RIOK2: variants seen among roughly 807,000 people sequenced by gnomAD.
RIOK2 encodes serine/threonine-protein kinase RIO2.
A neutral mutation model predicts 62.4 loss-of-function variants in RIOK2; 46 were observed. That is an observed-to-expected ratio of 0.74 (90% confidence interval 0.58 to 0.94). RIOK2 has a LOEUF of 0.94. Among genes scored for constraint, RIOK2 ranks in the 40% least tolerant of loss-of-function variants. The probability of loss-of-function intolerance (pLI) is 0.00; values close to 1 mark genes in which losing one functional copy is unlikely to be tolerated. For synonymous variants in RIOK2, 197 were observed against 216.0 expected, an observed-to-expected ratio of 0.91 and a Z score of 0.77; for missense variants, 574 against 658.0, an observed-to-expected ratio of 0.87 and a Z score of 1.40.
chr5:97,174,607 T>C (rs1000500450), intron 4 of RIOK2, among the ~76,000 whole-genome samples: 1 of 151,988 alleles, frequency 6.6e-6, no homozygotes, highest in Non-Finnish European at 1.5e-5. Flanking sequence ...AGGACTCACA[T>C]AGATTCATGT....
chr5:97,180,779 T>A (rs1020574690), intron 1 of RIOK2, among the ~76,000 whole-genome samples: 3 of 151,948 alleles, frequency 2.0e-5, no homozygotes, highest in African/African-American at 7.3e-5. Flanking sequence ...GGAATAAAAA[T>A]CTTTAGGAAG....
Position 97,165,255 on chromosome 5 carries a change from A to C in RIOK2, c.1398-108T>G, listed in dbSNP as rs1199629859. On this transcript the variant is annotated intron_variant, in intron 8 of 9. Transcript: ENST00000283109. ...CATGCAGCAAAACTGAAGACATAAAATACTTCAGAAAGATCATTATATTTT... is the reference window on the plus strand; with the variant it reads ...CATGCAGCAAAACTGAAGACATAAACTACTTCAGAAAGATCATTATATTTT... 4 of 463,026 alleles carry C rather than the reference A, an allele frequency of 8.6e-6. No individual in the cohort carries two copies. The East Asian group carries it at 1.1e-4, about 12-fold the overall frequency. 28.7% of individuals were successfully genotyped at this position (463,026 alleles called of 1,614,324 possible). A position where few individuals can be genotyped will look rare whatever the true frequency, so the allele number is the denominator to read the frequency against.
At position 97,167,474 on chromosome 5, in the gene RIOK2, G is replaced by C. The variant is rs747786018; in HGVS notation, c.1390C>G (p.Pro464Ala). The change falls in exon 8 of 10, where the codon CCT becomes GCT. Residue 464 changes from proline (P) to alanine (A), a missense_variant. Pro to Ala is a conservative substitution (Grantham distance 27, BLOSUM62 -1). Transcript: ENST00000283109. Reference sequence around the variant, plus strand: ...ATCGACAGAAGTCTATACCTGAAAGGCCTGAATTCTCTATTTAATGACGAC... The same window carrying C: ...ATCGACAGAAGTCTATACCTGAAAGCCCTGAATTCTCTATTTAATGACGAC... ...ALSSLNREFRPFRDEENVGAM... is the reference protein window; with the variant it reads ...ALSSLNREFRAFRDEENVGAM... 1.2e-6 allele frequency: 2 copies of C among 1,613,920 alleles called. No homozygotes were observed. The highest frequency in any genetic ancestry group is 1.7e-6 in the Non-Finnish European group (2 of 1,179,940).
intron 4 of RIOK2, 192 bp downstream of exon 4, chr5:97,176,924 C>T (rs2112841481): frequency 3.8e-6 from 2 of 532,388 alleles, no homozygotes; most frequent in Non-Finnish European, 3.3e-6. Context: ...TTTAAAATAC[C>T]TTAACGTAGA....
chr5:97,166,277 G>A (rs773018474), intron 8 of RIOK2: 3 of 454,622 alleles, frequency 6.6e-6, no homozygotes, highest in East Asian at 7.0e-5. Context: ...TCAAAATCCT[G>A]AGCCTCTGTC....
intron 4 of RIOK2, 125 bp from the exon 5 acceptor site, chr5:97,173,388 A>G (rs896517116): frequency 5.8e-6 from 4 of 687,182 alleles, no homozygotes; most frequent in South Asian, 3.6e-5. Flanking sequence ...ATTGTAGTTA[A>G]CACATGGTTA....
At chr5:97,180,144 A>ATATG (rs1554083625) in intron 1 of RIOK2, among the ~76,000 whole-genome samples, 9 of 57,548 alleles carry the variant, frequency 1.6e-4, no homozygotes, top group African/African-American at 4.1e-4. Context: ...ATATATATGT[A>ATATG]TATATATATA....
intron 1 of RIOK2, chr5:97,182,730 T>A: frequency 4.3e-6 from 1 of 234,172 alleles, no homozygotes; most frequent in East Asian, 1.0e-4. Flanking sequence ...TCAGAAAGAC[T>A]GCTATGCGAC....
intron 6 of RIOK2, among the ~76,000 whole-genome samples, chr5:97,169,707 A>G (rs79303493): frequency 6.6e-6 from 1 of 152,336 alleles, no homozygotes; most frequent in East Asian, 1.9e-4. Context: ...AACATTTTCT[A>G]AAGCATATAT....
chr5:97,165,201 C>T (rs1022438520), intron 8 of RIOK2, 54 bp from the exon 9 acceptor site: 1 of 846,166 alleles, frequency 1.2e-6, no homozygotes, highest in Non-Finnish European at 1.7e-6. Context: ...TGTAATGAAT[C>T]CCATTTGATT....
chr5:97,174,688 C>CA (rs1246112387), intron 4 of RIOK2, among the ~76,000 whole-genome samples: 3 of 152,108 alleles, frequency 2.0e-5, no homozygotes, highest in Admixed American at 2.0e-4. Context: ...TTCATGGCTC[C>CA]ACTCAGCTCC....
At position 97,162,413 on chromosome 5, in the gene RIOK2, C is replaced by CCTAA. The variant is rs774510442; in HGVS notation, c.*644_*647dup. The CCTAA allele has an allele frequency of 1.3e-5, 2 of 152,366 alleles. No individual in the cohort carries two copies. Among genetic ancestry groups the CCTAA allele is most frequent in the Non-Finnish European group, 2.9e-5 (2 of 68,222 alleles). The allele number at this position is 152,366 out of a possible 1,614,324, so 9.4% of individuals were successfully genotyped here. A position where few individuals can be genotyped will look rare whatever the true frequency, so the allele number is the denominator to read the frequency against. On this transcript the variant is annotated 3_prime_UTR_variant, in exon 10 of 10. Transcript: ENST00000283109. ...TCATTCTACTCCACCTTCCCCAACC[C>CCTAA]CTAACTCTTCTGCTACTCAGGCCTG... is the stretch of plus-strand genomic sequence containing the variant.
At chr5:97,174,500 T>G (rs1434762392) in intron 4 of RIOK2, among the ~76,000 whole-genome samples, 2 of 152,182 alleles carry the variant, frequency 1.3e-5, no homozygotes, top group Non-Finnish European at 2.9e-5. Context: ...TCAAAACTCT[T>G]TAATCCACCT....
intron 4 of RIOK2, among the ~76,000 whole-genome samples, chr5:97,174,335 G>A (rs1050313206): frequency 1.3e-5 from 2 of 152,186 alleles, no homozygotes; most frequent in South Asian, 2.1e-4. Flanking sequence ...CAGGAGAATC[G>A]CGTGAACCCG....
rs189040343 is a variant in RIOK2, at chr5:97,162,940, T to G, written c.*121A>C. 4.9e-6 allele frequency: 4 copies of G among 819,654 alleles called. No homozygotes were observed. Among genetic ancestry groups the G allele is most frequent in the South Asian group, 2.0e-5 (1 of 50,294 alleles). 50.8% of individuals were successfully genotyped at this position (819,654 alleles called of 1,614,324 possible). ...CATACTGAATGACCAAATTTATAGA[T>G]GAAAGAGGGTTTATTTATTAATATA... On this transcript the variant is annotated 3_prime_UTR_variant, in exon 10 of 10. Transcript: ENST00000283109.
At chr5:97,180,126 G>GTATATATATATGTA (rs1749344925) in intron 1 of RIOK2, among the ~76,000 whole-genome samples, 4 of 30,786 alleles carry the variant, frequency 1.3e-4, no homozygotes, top group African/African-American at 1.7e-4. Context: ...ATGTGTATAT[G>GTATATATATATGTA]TATATATATA....
chr5:97,164,541 A>G lies in RIOK2; in HGVS notation c.1494+510T>C, dbSNP rs147267118. ...TCAAAAAAAAAACAAAAACAAAAAC[A>G]AACAACAACAACAAAATTTTATACC... On this transcript the variant is annotated intron_variant, in intron 9 of 9. Coordinates refer to ENST00000283109, the MANE Select transcript of RIOK2 (RefSeq NM_018343.3). Among the ~76,000 whole-genome samples, 158 of 151,950 alleles carry G rather than the reference A, an allele frequency of 1.0e-3. 1 individual carries two copies. Among genetic ancestry groups the G allele is most frequent in the African/African-American group, 3.7e-3 (153 of 41,478 alleles).
At chr5:97,174,816 T>C (rs1388303348) in intron 4 of RIOK2, among the ~76,000 whole-genome samples, 1 of 152,152 alleles carries the variant, frequency 6.6e-6, no homozygotes, top group East Asian at 1.9e-4. Flanking sequence ...CTCACGCTTA[T>C]AACCCCGGTA....
Position 97,177,303 on chromosome 5 carries a change from ATTTC to A in RIOK2, c.323-16_323-13del, listed in dbSNP as rs1218547457. On this transcript the variant is annotated splice_polypyrimidine_tract_variant and intron_variant, in intron 3 of 9. Coordinates refer to ENST00000283109, the MANE Select transcript of RIOK2 (RefSeq NM_018343.3). ...AACAATGTAAATATCTAGAGACAAA[ATTTC>A]AAAAACAACCATTATTACACGTTTA... 1 of 1,601,688 alleles carries A rather than the reference ATTTC, an allele frequency of 6.2e-7. No homozygotes were observed. Among genetic ancestry groups the A allele is most frequent in the Non-Finnish European group, 8.5e-7 (1 of 1,174,898 alleles).
Sources: allele counts gnomAD v4.1 joint callset (sites outside exome capture counted in the v4.1 genomes callset), GRCh38; gene constraint gnomAD v4.1.1; transcripts MANE v1.5; gene names NCBI Gene and HGNC (gene_info 2026-07-23, HGNC 2026-07-21).